RBL2: variants seen among roughly 807,000 people sequenced by gnomAD.
The protein encoded by RBL2 is retinoblastoma-like protein 2.
RBL2 carries 56 observed loss-of-function variants against 126.0 expected under a neutral mutation model. The observed-to-expected ratio is 0.44, with a 90% confidence interval of 0.36 to 0.56. The LOEUF is 0.56. Among genes scored for constraint, RBL2 ranks in the 20% least tolerant of loss-of-function variants. The pLI, the probability that RBL2 is intolerant of heterozygous loss-of-function variation, is 0.00. For missense variants in RBL2, 1,229 were observed against 1,398.2 expected, an observed-to-expected ratio of 0.88 and a Z score of 1.93; for synonymous variants, 454 against 478.5, an observed-to-expected ratio of 0.95 and a Z score of 0.67.
chr16:53,462,282 A>G (rs1195031773), intron 10 of RBL2, among the ~76,000 whole-genome samples: 1 of 152,196 alleles, frequency 6.6e-6, no homozygotes, highest in Non-Finnish European at 1.5e-5. Context: ...TTTTGTTCAA[A>G]CATAGAGGAA....
At position 53,434,486 on chromosome 16, in the gene RBL2, G is replaced by A; in HGVS notation, c.-71G>A. On this transcript the variant is annotated 5_prime_UTR_variant, in exon 1 of 22. Coordinates refer to ENST00000262133, the MANE Select transcript of RBL2 (RefSeq NM_005611.4). ...CGGTGCGGGCGGCGGACGGGCGGGC[G>A]CTTCGCCGTTTGAATGGCTGCGGGC... is the stretch of plus-strand genomic sequence containing the variant. 7.6e-7 allele frequency: 1 copy of A among 1,311,582 alleles called. No individual in the cohort carries two copies. The highest frequency in any genetic ancestry group is 3.1e-5 in the East Asian group (1 of 32,110). 81.2% of individuals were successfully genotyped at this position (1,311,582 alleles called of 1,614,324 possible).
Position 53,453,508 on chromosome 16 carries a change from A to G in RBL2, c.823A>G (p.Ile275Val). ...TAAACCTTCCTCTGACCCCCCTTGTATCATTGAGAAACTGTGTTCCTTACA... is the reference window on the plus strand; with the variant it reads ...TAAACCTTCCTCTGACCCCCCTTGTGTCATTGAGAAACTGTGTTCCTTACA... ...DSKPSSDPPC[I>V]IEKLCSLHDG... The change falls in exon 6 of 22, where the codon ATC (isoleucine) becomes GTC (valine). Residue 275 changes from isoleucine to valine, a missense_variant. Physicochemically the swap from Ile to Val is conservative, Grantham distance 29. Transcript: ENST00000262133. 1 of 1,613,244 alleles carries G rather than the reference A, an allele frequency of 6.2e-7. No homozygotes were observed. The highest frequency in any genetic ancestry group is 8.5e-7 in the Non-Finnish European group (1 of 1,179,344).
chr16:53,454,994 CTA>C (rs1306160963), intron 8 of RBL2, 152 bp downstream of exon 8: 6 of 600,716 alleles, frequency 1.0e-5, no homozygotes, highest in Non-Finnish European at 1.6e-5. Flanking sequence ...AAAGGTATCT[CTA>C]TGATATTTGC....
At chr16:53,475,539 C>A (rs574628798) in intron 17 of RBL2, among the ~76,000 whole-genome samples, 5 of 152,086 alleles carry the variant, frequency 3.3e-5, no homozygotes, top group African/African-American at 1.2e-4. Context: ...TGAGACTCCT[C>A]CCTTTTGTTC....
intron 21 of RBL2, among the ~76,000 whole-genome samples, chr16:53,485,167 C>CA (rs1354458712): frequency 6.6e-6 from 1 of 152,154 alleles, no homozygotes; most frequent in Non-Finnish European, 1.5e-5. Context: ...ACATAGACTA[C>CA]ATTCTGGACC....
intron 8 of RBL2, among the ~76,000 whole-genome samples, chr16:53,457,711 C>G (rs118090564): frequency 1.3e-5 from 2 of 152,028 alleles, no homozygotes. Context: ...TTTAAGATAC[C>G]GACTTAATAT....
At chr16:53,489,056 AATT>A (rs1328228553) in intron 21 of RBL2, 20 of 103,718 alleles carry the variant, frequency 1.9e-4, no homozygotes, top group Admixed American at 9.4e-4. Flanking sequence ...TTCTATTGTT[AATT>A]AAAAAAAAAA....
At chr16:53,471,663 T>G (rs1960530171) in intron 17 of RBL2, among the ~76,000 whole-genome samples, 1 of 152,072 alleles carries the variant, frequency 6.6e-6, no homozygotes, top group South Asian at 2.1e-4. Context: ...GAGATGGGGT[T>G]TGACCATGTT....
At chr16:53,460,532 G>A (rs1009987972) in intron 9 of RBL2, among the ~76,000 whole-genome samples, 2 of 152,112 alleles carry the variant, frequency 1.3e-5, no homozygotes, top group Non-Finnish European at 2.9e-5. Flanking sequence ...GAAGCATTTC[G>A]TAAATACATT....
intron 3 of RBL2, among the ~76,000 whole-genome samples, chr16:53,444,124 C>G (rs1224928701): frequency 1.3e-5 from 2 of 151,218 alleles, no homozygotes; most frequent in Non-Finnish European, 2.9e-5. Context: ...TGGTGCATGC[C>G]TATAATCCCA....
rs1268186917 is a variant in RBL2, at chr16:53,442,736, G to T, written c.450G>T (p.Glu150Asp). Residue 150 changes from glutamate to aspartate, a missense_variant, in exon 3 of 22, where the codon GAG becomes GAT. This residue lies in a region of RBL2 where 1,070 missense variants were observed against 1,274.3 expected (regional missense o/e 0.84). Transcript: ENST00000262133. The part of the protein sequence containing the change: ...NLPPHFRERT[E>D]RLERNFTVSA... Reference sequence around the variant, plus strand: ...CCCCACATTTCAGAGAACGTACTGAGAGATTAGAAAGAAACTTCACTGTTT... The same window carrying T: ...CCCCACATTTCAGAGAACGTACTGATAGATTAGAAAGAAACTTCACTGTTT... The T allele has an allele frequency of 6.2e-7, 1 of 1,613,508 alleles. No homozygotes were observed. The highest frequency in any genetic ancestry group is 1.3e-5 in the African/African-American group (1 of 74,902).
At chr16:53,476,257 C>T (rs1180722725) in intron 17 of RBL2, among the ~76,000 whole-genome samples, 1 of 152,158 alleles carries the variant, frequency 6.6e-6, no homozygotes, top group Non-Finnish European at 1.5e-5. Flanking sequence ...TTCTGTTTGA[C>T]TCACTGGTTA....
chr16:53,468,780 C>G (rs2058293586), intron 14 of RBL2, among the ~76,000 whole-genome samples: 1 of 152,146 alleles, frequency 6.6e-6, no homozygotes, highest in African/African-American at 2.4e-5. Flanking sequence ...TTTAAAAACA[C>G]TCTGATGCAC....
At chr16:53,476,799 T>A (rs2150820953) in intron 17 of RBL2, among the ~76,000 whole-genome samples, 1 of 152,332 alleles carries the variant, frequency 6.6e-6, no homozygotes, top group South Asian at 2.1e-4. Flanking sequence ...GTCACCCAGC[T>A]TTCTTATGGT....
intron 5 of RBL2, 126 bp downstream of exon 5, chr16:53,451,957 C>A (rs375056854): frequency 5.6e-6 from 6 of 1,068,956 alleles, no homozygotes; most frequent in African/African-American, 3.2e-5. Flanking sequence ...ATCCAGGGTA[C>A]TTATAACTAA....
chr16:53,488,038 A>G (rs1445673583), intron 21 of RBL2: 1 of 152,234 alleles, frequency 6.6e-6, no homozygotes, highest in African/African-American at 2.4e-5. Context: ...ACAACCAGCA[A>G]TCTCATTCCT....
intron 9 of RBL2, among the ~76,000 whole-genome samples, chr16:53,460,758 C>T (rs2058211986): frequency 1.3e-5 from 2 of 152,090 alleles, no homozygotes. Context: ...TTATCTCTAG[C>T]AGGACTGTAA....
At chr16:53,435,433 G>A (rs147082414) in intron 1 of RBL2, among the ~76,000 whole-genome samples, 84 of 152,228 alleles carry the variant, frequency 5.5e-4, no homozygotes, top group African/African-American at 2.0e-3. Flanking sequence ...TGGCTACCTC[G>A]AGGGCTTTTT....
chr16:53,474,393 C>T (rs187995457), intron 17 of RBL2, among the ~76,000 whole-genome samples: 86 of 152,020 alleles, frequency 5.7e-4, no homozygotes, highest in Non-Finnish European at 3.5e-4. Flanking sequence ...CTTGGCTCAC[C>T]GCAACCTCCG....
Sources: allele counts gnomAD v4.1 joint callset (sites outside exome capture counted in the v4.1 genomes callset), GRCh38; gene constraint gnomAD v4.1.1; regional missense constraint gnomAD v4.1.1; transcripts MANE v1.5; gene names NCBI Gene and HGNC (gene_info 2026-07-23, HGNC 2026-07-21).